LARS2: variants seen among roughly 807,000 people sequenced by gnomAD.
LARS2 encodes the protein leucine--tRNA ligase, mitochondrial.
LARS2 carries 81 observed loss-of-function variants against 116.6 expected under a neutral mutation model. That is an observed-to-expected ratio of 0.69 (90% CI 0.58 to 0.84). LARS2 has a LOEUF of 0.84. LARS2 is among the 40% of genes least tolerant of loss of function. The pLI is 0.00. For synonymous variants in LARS2, 396 were observed against 407.2 expected, an observed-to-expected ratio of 0.97 and a Z score of 0.33; for missense variants, 968 against 1,114.5, an observed-to-expected ratio of 0.87 and a Z score of 1.87.
chr3:45,416,442 A>T (rs556598894), intron 4 of LARS2, among the ~76,000 whole-genome samples: 1 of 152,154 alleles, frequency 6.6e-6, no homozygotes, highest in Non-Finnish European at 1.5e-5. Context: ...TGCCGGATTC[A>T]GGCAAGCCGT....
At chr3:45,407,881 C>T (rs9830462) in intron 4 of LARS2, among the ~76,000 whole-genome samples, 7,498 of 152,268 alleles carry the variant, frequency 0.049, 220 homozygotes, top group South Asian at 0.11. Context: ...TCCCTTCCAT[C>T]GCCAAACTCT....
chr3:45,532,289 C>T (rs1282770073), intron 20 of LARS2, among the ~76,000 whole-genome samples: 1 of 152,146 alleles, frequency 6.6e-6, no homozygotes, highest in Non-Finnish European at 1.5e-5. Flanking sequence ...TATCAGCACT[C>T]ATATTAGGAA....
chr3:45,412,776 TG>T (rs1170121028), intron 4 of LARS2, among the ~76,000 whole-genome samples: 4 of 152,214 alleles, frequency 2.6e-5, no homozygotes, highest in Non-Finnish European at 2.9e-5. Context: ...TCCACAGGAC[TG>T]CTTGTTCAGT....
intron 6 of LARS2, among the ~76,000 whole-genome samples, chr3:45,430,728 G>C (rs566722451): frequency 9.5e-4 from 141 of 148,994 alleles, no homozygotes; most frequent in Non-Finnish European, 1.8e-3. Context: ...GGGACTACAG[G>C]CGCCCGCCAC....
At chr3:45,467,779 T>C (rs1350383713) in intron 8 of LARS2, among the ~76,000 whole-genome samples, 1 of 152,186 alleles carries the variant, frequency 6.6e-6, no homozygotes, top group Non-Finnish European at 1.5e-5. Flanking sequence ...TTAATTTTCT[T>C]CTCTTCCAAA....
At chr3:45,529,564 A>AT (rs1700584201) in intron 20 of LARS2, among the ~76,000 whole-genome samples, 1 of 152,130 alleles carries the variant, frequency 6.6e-6, no homozygotes, top group Non-Finnish European at 1.5e-5. Context: ...AAAAAAAAAA[A>AT]AATGCTAAAT....
chr3:45,406,093 AATTATTG>A (rs1197789856), intron 4 of LARS2, among the ~76,000 whole-genome samples: 4 of 152,136 alleles, frequency 2.6e-5, no homozygotes, highest in African/African-American at 9.7e-5. Context: ...TCTTTTTAAA[AATTATTG>A]ATGTAAAAGT....
chr3:45,420,891 T>C (rs1014552078), intron 6 of LARS2, among the ~76,000 whole-genome samples: 2 of 152,226 alleles, frequency 1.3e-5, no homozygotes, highest in Non-Finnish European at 2.9e-5. Flanking sequence ...GATTAGAACA[T>C]ACAGAAAAGT....
chr3:45,423,257 T>G (rs1220824804), intron 6 of LARS2, among the ~76,000 whole-genome samples: 1 of 152,290 alleles, frequency 6.6e-6, no homozygotes, highest in African/African-American at 2.4e-5. Context: ...GGTTTTTTGT[T>G]GTTGGTTTTT....
chr3:45,471,234 C>CCT (rs374893149), intron 8 of LARS2, among the ~76,000 whole-genome samples: 3 of 152,174 alleles, frequency 2.0e-5, no homozygotes, highest in African/African-American at 7.2e-5. Context: ...TTTCTGAAGC[C>CCT]CTGTTCATCA....
chr3:45,546,466 C>T (rs543318495), intron 21 of LARS2, among the ~76,000 whole-genome samples: 27 of 152,250 alleles, frequency 1.8e-4, no homozygotes, highest in African/African-American at 6.0e-4. Context: ...CTAATGCAGA[C>T]AATAAAAATG....
intron 4 of LARS2, among the ~76,000 whole-genome samples, chr3:45,411,379 T>C (rs1284003085): frequency 6.6e-6 from 1 of 152,264 alleles, no homozygotes; most frequent in East Asian, 1.9e-4. Flanking sequence ...TAGGATCACA[T>C]GAGTAAACAA....
rs189304464 is a variant in LARS2 at position 45,449,832 on chromosome 3, C to T, written c.606+2852C>T. 2.0e-3 allele frequency among the ~76,000 whole-genome samples: 305 copies of T among 152,258 alleles called. 1 individual carries two copies. The highest frequency in any genetic ancestry group is 6.6e-3 in the African/African-American group (276 of 41,546). ...AACCAAAATAACTCAGGTAAATGAA[C>T]ATTTAGGAATAGTATTTGAGCAGAG... On this transcript the variant is annotated intron_variant, in intron 7 of 21. Transcript: ENST00000645846.
intron 17 of LARS2, 23 bp downstream of exon 17, chr3:45,516,299 A>G (rs1700369314): frequency 6.2e-7 from 1 of 1,604,554 alleles, no homozygotes; most frequent in South Asian, 1.1e-5. Context: ...CCTCTTCCTG[A>G]CTTGCTTCCT....
chr3:45,465,614 C>G (rs192015258), intron 8 of LARS2, among the ~76,000 whole-genome samples: 1 of 152,328 alleles, frequency 6.6e-6, no homozygotes, highest in African/African-American at 2.4e-5. Context: ...AGGCACCTGG[C>G]TGGCTCTCAG....
rs147338415 is a variant in LARS2 at position 45,498,963 on chromosome 3, C to T, written c.1623-1479C>T. 2.9e-3 allele frequency among the ~76,000 whole-genome samples: 443 copies of T among 152,246 alleles called. 1 individual carries two copies. Among genetic ancestry groups the T allele is most frequent in the African/African-American group, 0.01 (419 of 41,538 alleles). ...GTCTCTAGCTGAGTATATTTTCAGA[C>T]TGCTTTAAAAAATAAAATCAAATTT... is the stretch of plus-strand genomic sequence containing the variant. On this transcript the variant is annotated intron_variant, in intron 14 of 21. Transcript: ENST00000645846.
chr3:45,449,505 C>T (rs562299825), intron 7 of LARS2, among the ~76,000 whole-genome samples: 1 of 152,118 alleles, frequency 6.6e-6, no homozygotes, highest in Non-Finnish European at 1.5e-5. Context: ...AACTAACCCA[C>T]ACCCATGATA....
At chr3:45,518,379 A>T (rs1700404208) in intron 18 of LARS2, among the ~76,000 whole-genome samples, 1 of 152,160 alleles carries the variant, frequency 6.6e-6, no homozygotes, top group South Asian at 2.1e-4. Flanking sequence ...CACATTTAAC[A>T]CATCCAAGCA....
At chr3:45,496,593 G>A (rs962511048) in intron 14 of LARS2, among the ~76,000 whole-genome samples, 2 of 152,240 alleles carry the variant, frequency 1.3e-5, no homozygotes, top group Admixed American at 1.3e-4. Context: ...TCAGGTGGAG[G>A]AGCCTCAGCC....
Sources: gnomAD v4.1 joint callset for allele counts (sites outside exome capture counted in the v4.1 genomes callset) on GRCh38, gnomAD v4.1.1 for gene constraint, MANE v1.5 for transcripts, NCBI Gene and HGNC (gene_info 2026-07-23, HGNC 2026-07-21) for gene names.